KIF27: variants seen among roughly 807,000 people sequenced by gnomAD.
KIF27 encodes kinesin-like protein KIF27.
KIF27 carries 84 observed loss-of-function variants against 141.8 expected under a neutral mutation model. The ratio of observed to expected loss-of-function variants is 0.59; its 90% CI spans 0.50 to 0.71. KIF27 has a LOEUF of 0.71. Ranked by LOEUF, KIF27 falls within the 30% of genes least tolerant of loss-of-function variation. The pLI is 0.00. For missense variants in KIF27, 1,306 were observed against 1,628.4 expected (o/e 0.80, Z 3.41); for synonymous variants, 471 against 569.5 (o/e 0.83, Z 2.46).
At chr9:83,857,025 T>A (rs1195402492) in intron 14 of KIF27, among the ~76,000 whole-genome samples, 2 of 151,522 alleles carry the variant, frequency 1.3e-5, no homozygotes, top group Non-Finnish European at 2.9e-5. Flanking sequence ...CTACTCTGTA[T>A]TATTAGAAAT....
chr9:83,885,745 C>T (rs537649657), intron 9 of KIF27, among the ~76,000 whole-genome samples: 18 of 152,300 alleles, frequency 1.2e-4, no homozygotes, highest in Admixed American at 2.0e-4. Context: ...AGTCCTCCTA[C>T]CTCAGCCTTC....
intron 13 of KIF27, among the ~76,000 whole-genome samples, chr9:83,867,211 C>T (rs34414473): frequency 2.0e-4 from 30 of 152,196 alleles, no homozygotes; most frequent in East Asian, 5.8e-4. Context: ...TCAAATAATA[C>T]GCTATTGTAT....
Position 83,874,650 on chromosome 9 carries a change from G to C in KIF27, c.2644-4018C>G, listed in dbSNP as rs554063710. ...GCAAGATGGAATAAAAGTGCCCTAG[G>C]TGGCAAGGTGTGGTGGCTTATGCCT... On this transcript the variant is annotated intron_variant, in intron 11 of 17. Coordinates refer to ENST00000297814, the MANE Select transcript of KIF27 (RefSeq NM_017576.4). Among the ~76,000 whole-genome samples the C allele has an allele frequency of 7.9e-5, 12 of 152,176 alleles. No individual in the cohort carries two copies. The South Asian group carries it at 1.7e-3, about 21-fold the overall frequency.
chr9:83,870,600 A>G lies in KIF27; in HGVS notation c.2676T>C (p.Gly892=), dbSNP rs188345886. 5 of 1,613,578 alleles carry G rather than the reference A, an allele frequency of 3.1e-6. No individual in the cohort carries two copies. The highest frequency in any genetic ancestry group is 1.7e-5 in the Admixed American group (1 of 59,962). ...EIQLKTGQEE[G]LKPKAEDLDA... ...CAAGGTCCTCAGCTTTCGGTTTTAGACCTTCTTCCTGTCCTGTTTTTAATT... is the reference window on the plus strand; with the variant it reads ...CAAGGTCCTCAGCTTTCGGTTTTAGGCCTTCTTCCTGTCCTGTTTTTAATT... Residue 892 remains glycine (G), a synonymous_variant, in exon 12 of 18, where the codon GGT becomes GGC. Coordinates refer to ENST00000297814, the MANE Select transcript of KIF27 (RefSeq NM_017576.4).
At chr9:83,845,012 A>C (rs1271067029) in intron 16 of KIF27, among the ~76,000 whole-genome samples, 1 of 152,156 alleles carries the variant, frequency 6.6e-6, no homozygotes, top group Non-Finnish European at 1.5e-5. Flanking sequence ...AAGGCTCTGC[A>C]ATAGGTCCAG....
chr9:83,883,707 C>T (rs1487117833), intron 10 of KIF27, 106 bp downstream of exon 10: 2 of 699,646 alleles, frequency 2.9e-6, no homozygotes, highest in African/African-American at 3.6e-5. Context: ...TACCCAGTTT[C>T]TCTTGCTGGT....
chr9:83,871,581 A>G (rs1950798609), intron 11 of KIF27, among the ~76,000 whole-genome samples: 1 of 152,188 alleles, frequency 6.6e-6, no homozygotes, highest in Non-Finnish European at 1.5e-5. Context: ...AAAGAAAAGT[A>G]ATGTTCAATT....
At chr9:83,856,171 C>G (rs1196255000) in intron 14 of KIF27, among the ~76,000 whole-genome samples, 1 of 152,132 alleles carries the variant, frequency 6.6e-6, no homozygotes, top group African/African-American at 2.4e-5. Flanking sequence ...TCTGATCCAG[C>G]AGGTCCACTT....
At chr9:83,906,513 G>T (rs11140289) in intron 3 of KIF27, among the ~76,000 whole-genome samples, 1 of 151,878 alleles carries the variant, frequency 6.6e-6, no homozygotes, top group Non-Finnish European at 1.5e-5. Context: ...GGCCAAAGCA[G>T]GCAGATCTCT....
chr9:83,839,939 A>G (rs1946371143), intron 17 of KIF27, among the ~76,000 whole-genome samples: 1 of 152,180 alleles, frequency 6.6e-6, no homozygotes, highest in Admixed American at 6.5e-5. Flanking sequence ...GTGAAACTCC[A>G]TTCAAAAACA....
intron 10 of KIF27, among the ~76,000 whole-genome samples, chr9:83,881,051 CTT>C (rs1951637623): frequency 6.6e-6 from 1 of 151,824 alleles, no homozygotes; most frequent in Admixed American, 6.6e-5. Context: ...CTACTGTGCT[CTT>C]GTTTTTATAG....
chr9:83,848,424 ATATC>A (rs1291468618), intron 16 of KIF27, among the ~76,000 whole-genome samples: 12 of 135,006 alleles, frequency 8.9e-5, no homozygotes, highest in Admixed American at 3.8e-4. Flanking sequence ...ATATATGTAT[ATATC>A]TATATATCAT....
At chr9:83,886,092 C>T (rs1216849047) in intron 9 of KIF27, among the ~76,000 whole-genome samples, 1 of 151,968 alleles carries the variant, frequency 6.6e-6, no homozygotes, top group East Asian at 1.9e-4. Context: ...TTTGGCCATG[C>T]TGCTTCCCCA....
intron 10 of KIF27, among the ~76,000 whole-genome samples, chr9:83,880,794 G>C (rs1319972444): frequency 5.3e-5 from 8 of 152,274 alleles, no homozygotes; most frequent in Admixed American, 3.9e-4. Flanking sequence ...TTAAAAAATA[G>C]TTAAAACAGT....
Position 83,880,361 on chromosome 9 carries a change from C to T in KIF27, c.2579G>A (p.Arg860Gln), listed in dbSNP as rs200952027. The T allele has an allele frequency of 3.5e-3, 5,616 of 1,602,878 alleles. 43 individuals are homozygous for T. The highest frequency in any genetic ancestry group is 3.4e-3 in the Non-Finnish European group (4,013 of 1,169,958). The stretch of plus-strand genomic sequence containing the variant: ...TTGCTTCCTTTTTTCATTTTCTTCT[C>T]GTAGTTTTCTTTGTAGCTGTATCTT... The part of the protein sequence containing the change: ...YQKIQLQRKL[R>Q]EENEKRKQLD... The change falls in exon 11 of 18, where the codon CGA (arginine) becomes CAA (glutamine). Residue 860 changes from arginine (R) to glutamine (Q), a missense_variant. Physicochemically the swap from Arg to Gln is conservative, Grantham distance 43 (BLOSUM62 1). This residue lies in a region of KIF27 where 596 missense variants were observed against 751.6 expected (regional missense o/e 0.79). Coordinates refer to ENST00000297814, the MANE Select transcript of KIF27 (RefSeq NM_017576.4).
Position 83,840,902 on chromosome 9 carries a change from T to C in KIF27, c.3721+1335A>G, listed in dbSNP as rs557810435. Among the ~76,000 whole-genome samples the C allele has an allele frequency of 2.6e-5, 4 of 152,248 alleles. No homozygotes were observed. The South Asian group carries it at 6.2e-4, about 24-fold the overall frequency. On this transcript the variant is annotated intron_variant, in intron 17 of 17. Coordinates refer to ENST00000297814, the MANE Select transcript of KIF27 (RefSeq NM_017576.4). The stretch of plus-strand genomic sequence containing the variant: ...CCAGCAGTCAGAAGATGAGGGACAT[T>C]AGACTGTGTTATAGTTACTGTTCTG...
intron 17 of KIF27, 92 bp from the exon 18 acceptor site, chr9:83,837,577 C>T (rs1220747367): frequency 2.4e-6 from 3 of 1,258,882 alleles, no homozygotes; most frequent in Admixed American, 4.7e-5. Context: ...ACATTATTAT[C>T]ACCCAATATG....
chr9:83,861,742 A>C (rs1213612784), intron 13 of KIF27, among the ~76,000 whole-genome samples: 1 of 151,532 alleles, frequency 6.6e-6, no homozygotes. Flanking sequence ...TAGATCCTTG[A>C]GGAATCACCA....
At chr9:83,914,162 T>G (rs1955465169) in intron 2 of KIF27, among the ~76,000 whole-genome samples, 1 of 151,336 alleles carries the variant, frequency 6.6e-6, no homozygotes, top group Admixed American at 6.6e-5. Flanking sequence ...TAACTCCTAT[T>G]GGTATAAAGC....
Sources: allele counts gnomAD v4.1 joint callset (sites outside exome capture counted in the v4.1 genomes callset), GRCh38; gene constraint gnomAD v4.1.1; regional missense constraint gnomAD v4.1.1; transcripts MANE v1.5; gene names NCBI Gene and HGNC (gene_info 2026-07-23, HGNC 2026-07-21).